Variants in ADAM32 observed in about 807,000 individuals in gnomAD.
The protein encoded by ADAM32 is disintegrin and metalloproteinase domain-containing protein 32.
ADAM32 carries 89 observed loss-of-function variants against 114.9 expected under a neutral mutation model. The ratio of observed to expected loss-of-function variants is 0.77; its 90% confidence interval spans 0.65 to 0.92. The LOEUF (loss-of-function observed/expected upper bound fraction) is 0.92. Ranked by LOEUF, ADAM32 falls within the 40% of genes least tolerant of loss-of-function variation. The pLI is 0.00. For synonymous variants in ADAM32, 285 were observed against 307.5 expected, an observed-to-expected ratio of 0.93 and a Z score of 0.77; for missense variants, 870 against 932.8, an observed-to-expected ratio of 0.93 and a Z score of 0.88.
chr8:39,242,652 A>C (rs113940412), intron 16 of ADAM32, among the ~76,000 whole-genome samples: 8,166 of 152,166 alleles, frequency 0.054, 750 homozygotes, highest in African/African-American at 0.19. Flanking sequence ...CCCACTGGTT[A>C]CCTCTCACAA....
intron 19 of ADAM32, among the ~76,000 whole-genome samples, chr8:39,262,460 A>G (rs1001653086): frequency 6.6e-6 from 1 of 152,044 alleles, no homozygotes; most frequent in African/African-American, 2.4e-5. Flanking sequence ...TTTGTAGTAT[A>G]TTTTGAGTCT....
At chr8:39,185,431 G>T (rs1314074722) in intron 10 of ADAM32, among the ~76,000 whole-genome samples, 1 of 152,048 alleles carries the variant, frequency 6.6e-6, no homozygotes, top group Non-Finnish European at 1.5e-5. Flanking sequence ...GCATTTCCAA[G>T]TGTCTTGAAG....
intron 17 of ADAM32, among the ~76,000 whole-genome samples, chr8:39,252,496 C>G (rs1024475345): frequency 2.0e-5 from 3 of 150,606 alleles, no homozygotes; most frequent in Non-Finnish European, 3.0e-5. Context: ...ATAAAGATTT[C>G]AAATAAACAT....
intron 2 of ADAM32, among the ~76,000 whole-genome samples, chr8:39,124,376 T>C (rs1446710055): frequency 6.6e-6 from 1 of 151,874 alleles, no homozygotes; most frequent in African/African-American, 2.4e-5. Flanking sequence ...TATGACTGCA[T>C]AGTATTCCAT....
chr8:39,264,912 G>A (rs757265822), intron 19 of ADAM32, among the ~76,000 whole-genome samples: 3 of 152,000 alleles, frequency 2.0e-5, no homozygotes, highest in Admixed American at 1.3e-4. Context: ...CTGAGAGTGT[G>A]ATTGGTATGA....
chr8:39,183,837 T>G (rs1289908246), intron 10 of ADAM32, among the ~76,000 whole-genome samples: 2 of 152,200 alleles, frequency 1.3e-5, no homozygotes. Context: ...GTGACCCTGG[T>G]CAGAAACAAT....
chr8:39,142,492 G>T (rs538591465), intron 3 of ADAM32, among the ~76,000 whole-genome samples: 5 of 152,228 alleles, frequency 3.3e-5, no homozygotes, highest in African/African-American at 9.6e-5. Flanking sequence ...GAGATTCTGG[G>T]TTGAAAATTC....
chr8:39,222,030 A>T (rs1809007574), intron 13 of ADAM32, among the ~76,000 whole-genome samples: 1 of 151,940 alleles, frequency 6.6e-6, no homozygotes, highest in Admixed American at 6.6e-5. Flanking sequence ...AAACGTTTTT[A>T]TGGGTTGTGA....
chr8:39,206,985 G>A (rs747954106), intron 11 of ADAM32, among the ~76,000 whole-genome samples: 5 of 151,998 alleles, frequency 3.3e-5, no homozygotes, highest in South Asian at 2.1e-4. Context: ...TTGTGGACTC[G>A]AAGCACCTGC....
In ADAM32 at chr8:39,283,510, A is replaced by G. The variant is rs543046352; in HGVS notation, c.2319-76A>G. The G allele has an allele frequency of 9.0e-6, 11 of 1,226,114 alleles. No individual in the cohort carries two copies. In the Admixed American group the frequency reaches 9.8e-5, roughly 11 times the overall value. The allele number at this position is 1,226,114 out of a possible 1,614,324, so 76.0% of individuals were successfully genotyped here. A position where few individuals can be genotyped will look rare whatever the true frequency, so the allele number is the denominator to read the frequency against. On this transcript the variant is annotated intron_variant, in intron 23 of 24. Transcript: ENST00000379907. ...TGAACGGAAAGAGGAAGAAATTGCC[A>G]TAACAAATAAATACAACATAAGTTT...
chr8:39,124,536 G>C (rs1801999475), intron 2 of ADAM32, among the ~76,000 whole-genome samples: 1 of 151,658 alleles, frequency 6.6e-6, no homozygotes, highest in South Asian at 2.1e-4. Flanking sequence ...TCCTGCCTCA[G>C]CCTCCCGAGT....
chr8:39,119,857 G>A (rs904031722), intron 2 of ADAM32, among the ~76,000 whole-genome samples: 3 of 152,130 alleles, frequency 2.0e-5, no homozygotes, highest in Non-Finnish European at 4.4e-5. Flanking sequence ...CCTTATGGAG[G>A]TAATTAAGGT....
At chr8:39,211,449 G>A in intron 12 of ADAM32, 125 bp downstream of exon 12, 1 of 977,298 alleles carries the variant, frequency 1.0e-6, no homozygotes, top group South Asian at 3.2e-5. Context: ...GTGAAGTTGG[G>A]TCGAAATACA....
chr8:39,148,771 AT>A (rs1803655606), intron 4 of ADAM32, among the ~76,000 whole-genome samples: 1 of 152,166 alleles, frequency 6.6e-6, no homozygotes, highest in South Asian at 2.1e-4. Flanking sequence ...CCTTAGTTCC[AT>A]CATAAAGCAG....
In ADAM32 at chr8:39,223,078, TC is replaced by T; in HGVS notation, c.1367del (p.Pro456LeufsTer20). ...SGVECRPKAH[P>X]ECDIAENCNG... is the part of the protein sequence containing the mutation. The stretch of plus-strand genomic sequence containing the variant: ...GCGTTGAATGTAGGCCGAAAGCACA[TC>T]CTGAATGTGACATCGCTGAAAATTG... On this transcript the variant is annotated frameshift_variant, in exon 14 of 25. Transcript: ENST00000379907. LOFTEE classifies it high-confidence loss of function. 1 of 1,591,564 alleles carries T rather than the reference TC, an allele frequency of 6.3e-7. No homozygotes were observed. The highest frequency in any genetic ancestry group is 8.5e-7 in the Non-Finnish European group (1 of 1,169,708).
At chr8:39,240,874 A>G (rs1810508713) in intron 16 of ADAM32, among the ~76,000 whole-genome samples, 1 of 152,174 alleles carries the variant, frequency 6.6e-6, no homozygotes, top group African/African-American at 2.4e-5. Context: ...TTCAAAACCA[A>G]TCATGCCTTC....
intron 19 of ADAM32, among the ~76,000 whole-genome samples, chr8:39,263,646 C>T (rs1443170081): frequency 1.3e-5 from 2 of 152,200 alleles, no homozygotes; most frequent in East Asian, 3.9e-4. Context: ...CAAATATATA[C>T]ACATACCACT....
At chr8:39,249,857 C>T (rs556199483) in intron 17 of ADAM32, among the ~76,000 whole-genome samples, 69 of 152,114 alleles carry the variant, frequency 4.5e-4, no homozygotes, top group African/African-American at 1.6e-3. Context: ...TATTTCATTT[C>T]CATTTTTGCA....
At chr8:39,146,394 C>A (rs1803505108) in intron 3 of ADAM32, among the ~76,000 whole-genome samples, 2 of 150,652 alleles carry the variant, frequency 1.3e-5, no homozygotes, top group African/African-American at 2.5e-5. Context: ...ATCCAACATC[C>A]AGTTTATGTC....
Sources: gnomAD v4.1 joint callset for allele counts (sites outside exome capture counted in the v4.1 genomes callset) on GRCh38, gnomAD v4.1.1 for gene constraint, MANE v1.5 for transcripts, NCBI Gene and HGNC (gene_info 2026-07-23, HGNC 2026-07-21) for gene names.